Variants in WWOX observed in about 807,000 individuals in gnomAD.
The protein encoded by WWOX is WW domain containing oxidoreductase.
In WWOX, 69 loss-of-function variants were observed where a neutral mutation model predicts 46.2. The observed-to-expected ratio is 1.49, with a 90% CI of 1.23 to 1.82. The LOEUF (loss-of-function observed/expected upper bound fraction) is 1.82, where lower values mean the gene tolerates loss of function less well. Ranked by LOEUF, WWOX falls within the 40% of genes most tolerant of loss-of-function variation. WWOX has a pLI of 0.00. For missense variants in WWOX, 919 were observed against 542.6 expected (o/e 1.69, Z -6.89); for synonymous variants, 359 against 202.6 (o/e 1.77, Z -6.56).
chr16:78,333,948 G>A (rs554260927), intron 5 of WWOX, among the ~76,000 whole-genome samples: 3 of 149,758 alleles, frequency 2.0e-5, no homozygotes, highest in Non-Finnish European at 4.4e-5. Flanking sequence ...AACCTTGCGT[G>A]ATCCACTGAT....
At chr16:78,122,838 C>G (rs369653680) in intron 4 of WWOX, among the ~76,000 whole-genome samples, 2 of 152,268 alleles carry the variant, frequency 1.3e-5, no homozygotes, top group East Asian at 1.9e-4. Flanking sequence ...CTCCTGAACT[C>G]AAGTGATCCG....
chr16:78,861,720 C>T (rs895417439), intron 8 of WWOX, among the ~76,000 whole-genome samples: 2 of 152,160 alleles, frequency 1.3e-5, no homozygotes, highest in South Asian at 4.1e-4. Flanking sequence ...TGTTTGAATT[C>T]CAGGTAAAAA....
chr16:78,273,187 C>G (rs910727908), intron 5 of WWOX, among the ~76,000 whole-genome samples: 6 of 152,154 alleles, frequency 3.9e-5, no homozygotes, highest in African/African-American at 1.4e-4. Flanking sequence ...TAGTGTAGCT[C>G]CAATTGCCTT....
chr16:78,702,641 C>T (rs1206195421), intron 8 of WWOX, among the ~76,000 whole-genome samples: 1 of 138,756 alleles, frequency 7.2e-6, no homozygotes, highest in Non-Finnish European at 1.5e-5. Context: ...GGCAACAGAG[C>T]AAGACTCTGT....
At chr16:78,908,351 C>T (rs906382454) in intron 8 of WWOX, among the ~76,000 whole-genome samples, 4 of 151,954 alleles carry the variant, frequency 2.6e-5, no homozygotes, top group Admixed American at 2.6e-4. Context: ...ACCATCCTGG[C>T]CAAGGTGGTG....
chr16:79,015,174 T>G (rs1241893689), intron 8 of WWOX, among the ~76,000 whole-genome samples: 2 of 152,150 alleles, frequency 1.3e-5, no homozygotes, highest in Non-Finnish European at 2.9e-5. Context: ...TTCTGCAGTG[T>G]TCTAGGTATG....
intron 8 of WWOX, among the ~76,000 whole-genome samples, chr16:78,768,997 C>G (rs886144520): frequency 6.6e-6 from 1 of 152,252 alleles, no homozygotes; most frequent in Non-Finnish European, 1.5e-5. Context: ...TTCAAAGATG[C>G]TTTCCTTTTT....
chr16:79,127,067 A>G (rs1354022611), intron 8 of WWOX, among the ~76,000 whole-genome samples: 1 of 152,108 alleles, frequency 6.6e-6, no homozygotes, highest in African/African-American at 2.4e-5. Context: ...ATATACACAT[A>G]AAATATTTAT....
intron 8 of WWOX, among the ~76,000 whole-genome samples, chr16:79,156,939 T>C (rs1234773649): frequency 1.3e-5 from 2 of 152,240 alleles, no homozygotes; most frequent in Admixed American, 1.3e-4. Context: ...ATGTGAATTA[T>C]CATCAGAAGA....
At chr16:78,448,160 C>G (rs955615516) in intron 8 of WWOX, among the ~76,000 whole-genome samples, 4 of 152,206 alleles carry the variant, frequency 2.6e-5, no homozygotes, top group East Asian at 1.9e-4. Flanking sequence ...ATTACTTGCC[C>G]CCAATCCATG....
intron 4 of WWOX, among the ~76,000 whole-genome samples, chr16:78,136,484 C>T (rs2033794703): frequency 6.6e-6 from 1 of 152,108 alleles, no homozygotes; most frequent in Non-Finnish European, 1.5e-5. Flanking sequence ...CATCATGGGG[C>T]CTGTGAGCTC....
At chr16:78,107,797 C>G (rs548161968) in intron 1 of WWOX, among the ~76,000 whole-genome samples, 7 of 152,128 alleles carry the variant, frequency 4.6e-5, no homozygotes, top group African/African-American at 1.4e-4. Context: ...TAGTGAGACC[C>G]TGATTCTTTA....
chr16:78,396,384 A>C (rs973019085), intron 6 of WWOX, among the ~76,000 whole-genome samples: 1 of 152,182 alleles, frequency 6.6e-6, no homozygotes, highest in African/African-American at 2.4e-5. Context: ...GTTCGAATTA[A>C]CCACACCAAT....
chr16:78,483,338 A>C (rs1294733049), intron 8 of WWOX, among the ~76,000 whole-genome samples: 1 of 151,560 alleles, frequency 6.6e-6, no homozygotes, highest in Non-Finnish European at 1.5e-5. Context: ...TTTCATGAAA[A>C]GTCTCCCGTC....
intron 8 of WWOX, among the ~76,000 whole-genome samples, chr16:78,505,678 T>C (rs1286233576): frequency 6.6e-6 from 1 of 151,804 alleles, no homozygotes; most frequent in East Asian, 1.9e-4. Flanking sequence ...AACACCCTCA[T>C]TCCCAGTCCT....
chr16:78,641,068 A>G lies in WWOX; in HGVS notation c.1056+208316A>G, dbSNP rs183309607. ...ATTACTGTAACATAGAACAGCTGAA[A>G]CACTCCTCAAAGCTGAGAGGAGGGT... On this transcript the variant is annotated intron_variant, in intron 8 of 8. Transcript: ENST00000566780. Among the ~76,000 whole-genome samples, 15 of 152,296 alleles carry G rather than the reference A, an allele frequency of 9.8e-5. 1 individual carries two copies. The highest frequency in any genetic ancestry group is 9.8e-4 in the Admixed American group (15 of 15,300).
chr16:78,514,803 T>C (rs2085449994), intron 8 of WWOX, among the ~76,000 whole-genome samples: 1 of 152,164 alleles, frequency 6.6e-6, no homozygotes, highest in African/African-American at 2.4e-5. Context: ...TTTGTCTGCC[T>C]CCCTTCTCTC....
At chr16:78,871,427 C>G (rs1292573596) in intron 8 of WWOX, among the ~76,000 whole-genome samples, 1 of 152,140 alleles carries the variant, frequency 6.6e-6, no homozygotes, top group African/African-American at 2.4e-5. Context: ...TTGGCACAGG[C>G]TTCGATGAAG....
chr16:78,855,687 G>C (rs2052549828), intron 8 of WWOX, among the ~76,000 whole-genome samples: 1 of 152,194 alleles, frequency 6.6e-6, no homozygotes. Flanking sequence ...TCATTTTCAA[G>C]GTTTAAGGTT....
Sources: gnomAD v4.1 joint callset for allele counts (sites outside exome capture counted in the v4.1 genomes callset) on GRCh38, gnomAD v4.1.1 for gene constraint, MANE v1.5 for transcripts, NCBI Gene and HGNC (gene_info 2026-07-23, HGNC 2026-07-21) for gene names.